Variants in ANO5 observed in about 807,000 individuals in gnomAD.
ANO5 encodes anoctamin-5.
ANO5 carries 109 observed loss-of-function variants against 121.0 expected under a neutral mutation model. The observed-to-expected ratio is 0.90, with a 90% CI of 0.77 to 1.06. The LOEUF is 1.06. Ranked by LOEUF, ANO5 falls within the 50% of genes least tolerant of loss-of-function variation. The pLI, the probability that ANO5 is intolerant of heterozygous loss-of-function variation, is 0.00. For missense variants in ANO5, 1,064 were observed against 1,078.5 expected, an observed-to-expected ratio of 0.99 and a Z score of 0.19; for synonymous variants, 406 against 359.9, an observed-to-expected ratio of 1.13 and a Z score of -1.45.
chr11:22,225,209 G>T (rs1197484121), intron 5 of ANO5, among the ~76,000 whole-genome samples: 1 of 152,096 alleles, frequency 6.6e-6, no homozygotes, highest in African/African-American at 2.4e-5. Context: ...TATAATCCCA[G>T]TGCTTTGGCA....
chr11:22,269,488 GAAAAAAGAAAAGGAAGGAAAGA>G (rs1399720089), intron 17 of ANO5, among the ~76,000 whole-genome samples: 148 of 12,126 alleles, frequency 0.012, no homozygotes, highest in South Asian at 0.037. Context: ...AGAAAGGAAA[GAAAAAAGAAAAGGAAGGAAAGA>G]AAAAAAGAAA....
chr11:22,213,978 C>T (rs1464366160), intron 3 of ANO5, among the ~76,000 whole-genome samples: 1 of 151,938 alleles, frequency 6.6e-6, no homozygotes, highest in Non-Finnish European at 1.5e-5. Context: ...TCATAGTTCA[C>T]TGCAGCCTTA....
intron 5 of ANO5, among the ~76,000 whole-genome samples, chr11:22,225,366 A>G (rs1376536567): frequency 1.3e-5 from 2 of 152,020 alleles, no homozygotes; most frequent in Non-Finnish European, 2.9e-5. Context: ...GAGGCTAGGG[A>G]GGATCACTTG....
intron 1 of ANO5, among the ~76,000 whole-genome samples, chr11:22,200,317 C>T (rs113125834): frequency 3.3e-5 from 5 of 152,060 alleles, no homozygotes; most frequent in African/African-American, 7.2e-5. Context: ...CTGTATGACT[C>T]TATATGTTTT....
At position 22,259,597 on chromosome 11, in the gene ANO5, G is replaced by A. The variant is rs1854122899; in HGVS notation, c.1486G>A (p.Glu496Lys). The change falls in exon 15 of 22, where the codon GAA (glutamate) becomes AAA (lysine). Residue 496 changes from glutamate (E) to lysine (K), a missense_variant. Glu to Lys is a moderately conservative substitution (Grantham distance 56, BLOSUM62 1). Coordinates refer to ENST00000324559, the MANE Select transcript of ANO5 (RefSeq NM_213599.3). Reference protein sequence around the residue: ...SVFATFASFMESDASLKQVKS... With the variant: ...SVFATFASFMKSDASLKQVKS... Reference sequence around the variant, plus strand: ...CTTTGCTACATTTGCTAGTTTCATGGAAAGTGATGCATCCTTAAAGCAGGT... The same window carrying A: ...CTTTGCTACATTTGCTAGTTTCATGAAAAGTGATGCATCCTTAAAGCAGGT... The A allele has an allele frequency of 6.2e-7, 1 of 1,614,104 alleles. No individual in the cohort carries two copies. Among genetic ancestry groups the A allele is most frequent in the Admixed American group, 1.7e-5 (1 of 60,020 alleles).
At chr11:22,278,993 G>T (rs1311036744) in intron 21 of ANO5, among the ~76,000 whole-genome samples, 1 of 151,612 alleles carries the variant, frequency 6.6e-6, no homozygotes, top group Non-Finnish European at 1.5e-5. Context: ...TGCTTCCAGG[G>T]TATAGCATGG....
intron 5 of ANO5, among the ~76,000 whole-genome samples, chr11:22,224,522 A>G (rs1190430939): frequency 6.6e-6 from 1 of 152,116 alleles, no homozygotes; most frequent in Non-Finnish European, 1.5e-5. Context: ...CTGGATAACT[A>G]TATGTGGAAG....
intron 5 of ANO5, among the ~76,000 whole-genome samples, chr11:22,223,271 G>T (rs548927801): frequency 6.6e-6 from 1 of 151,978 alleles, no homozygotes; most frequent in South Asian, 2.1e-4. Flanking sequence ...AAAGCAAAAC[G>T]AGCAAGGGAA....
intron 3 of ANO5, among the ~76,000 whole-genome samples, 190 bp downstream of exon 3, chr11:22,211,504 A>G (rs1274247025): frequency 6.6e-6 from 1 of 151,956 alleles, no homozygotes; most frequent in African/African-American, 2.4e-5. Flanking sequence ...CAGACATATC[A>G]GTGAGAATGA....
chr11:22,230,063 A>T (rs1287816571), intron 7 of ANO5, among the ~76,000 whole-genome samples: 2 of 152,014 alleles, frequency 1.3e-5, no homozygotes, highest in East Asian at 3.9e-4. Flanking sequence ...TTGTTTATAT[A>T]TACACCAATA....
chr11:22,197,024 C>A (rs1564906151), intron 1 of ANO5, among the ~76,000 whole-genome samples: 1 of 152,174 alleles, frequency 6.6e-6, no homozygotes, highest in Non-Finnish European at 1.5e-5. Flanking sequence ...ACTTTTTAGA[C>A]TAAATTTACC....
intron 17 of ANO5, among the ~76,000 whole-genome samples, chr11:22,267,839 C>T (rs58056137): frequency 0.13 from 19,690 of 152,106 alleles, 3,678 homozygotes; most frequent in African/African-American, 0.41. Flanking sequence ...CATCATTTAG[C>T]TCCCACTTAT....
chr11:22,236,281 G>T lies in ANO5; in HGVS notation c.762+5G>T, dbSNP rs1853217390. The T allele has an allele frequency of 1.3e-6, 2 of 1,594,808 alleles. No individual in the cohort carries two copies. Among genetic ancestry groups the T allele is most frequent in the Non-Finnish European group, 1.7e-6 (2 of 1,162,940 alleles). ...TCTGCCTATCCACTCCATGATGTAT[G>T]TATAGGTTTGATTGTGAAAATCTGA... is the stretch of plus-strand genomic sequence containing the variant. On this transcript the variant is annotated splice_donor_5th_base_variant and intron_variant, in intron 8 of 21. Transcript: ENST00000324559.
chr11:22,275,438 A>G (rs908200855), intron 20 of ANO5, among the ~76,000 whole-genome samples: 1 of 151,930 alleles, frequency 6.6e-6, no homozygotes, highest in Non-Finnish European at 1.5e-5. Flanking sequence ...GTTATATTAC[A>G]TATTTGAGTA....
chr11:22,276,051 A>C (rs1238086938), intron 20 of ANO5, 43 bp from the exon 21 acceptor site: 1 of 1,261,366 alleles, frequency 7.9e-7, no homozygotes, highest in Admixed American at 1.9e-5. Flanking sequence ...TGAAGCTATA[A>C]CTATTATTAT....
rs72105710 is a variant in ANO5 at position 22,274,548 on chromosome 11, CTTT to C, written c.2236-12_2236-10del. Reference sequence around the variant, plus strand: ...TAAATTGGCAGCTGATGATCTTCCTCTTTTTTTTTTTATTCTTCAGGCCTTTAT... The same window carrying C: ...TAAATTGGCAGCTGATGATCTTCCTCTTTTTTTTATTCTTCAGGCCTTTAT... On this transcript the variant is annotated intron_variant, in intron 19 of 21. Coordinates refer to ENST00000324559, the MANE Select transcript of ANO5 (RefSeq NM_213599.3). 58 of 1,267,016 alleles carry C rather than the reference CTTT, an allele frequency of 4.6e-5. No homozygotes were observed. The highest frequency in any genetic ancestry group is 1.2e-4 in the Admixed American group (5 of 42,156). The allele number at this position is 1,267,016 out of a possible 1,614,324, so 78.5% of individuals were successfully genotyped here.
At chr11:22,201,582 A>G (rs941255662) in intron 1 of ANO5, among the ~76,000 whole-genome samples, 5 of 152,104 alleles carry the variant, frequency 3.3e-5, no homozygotes, top group African/African-American at 1.2e-4. Flanking sequence ...TAATTTATAA[A>G]CAATAGAAGT....
chr11:22,273,762 C>T (rs994142578), intron 19 of ANO5, among the ~76,000 whole-genome samples: 2 of 151,924 alleles, frequency 1.3e-5, no homozygotes, highest in African/African-American at 4.8e-5. Context: ...ACTGGAAAGA[C>T]AAAGTAAGTA....
intron 18 of ANO5, among the ~76,000 whole-genome samples, chr11:22,272,522 T>G (rs1286370994): frequency 6.6e-6 from 1 of 152,150 alleles, no homozygotes; most frequent in Non-Finnish European, 1.5e-5. Flanking sequence ...GAATAGAATC[T>G]TCCTTGTAAC....
Sources: allele counts gnomAD v4.1 joint callset (sites outside exome capture counted in the v4.1 genomes callset), GRCh38; gene constraint gnomAD v4.1.1; transcripts MANE v1.5; gene names NCBI Gene and HGNC (gene_info 2026-07-23, HGNC 2026-07-21).